Variants in ADGRE3 observed in about 807,000 individuals in gnomAD.
ADGRE3 encodes the protein EGF-like module receptor 3.
ADGRE3 carries 88 observed loss-of-function variants against 80.1 expected under a neutral mutation model. The observed-to-expected ratio is 1.10, with a 90% CI of 0.93 to 1.31. The LOEUF is 1.31. Ranked by LOEUF, ADGRE3 falls within the 40% of genes most tolerant of loss-of-function variation. The pLI is 0.00. For missense variants in ADGRE3, 715 were observed against 776.5 expected (o/e 0.92, Z 0.94); for synonymous variants, 281 against 294.8 (o/e 0.95, Z 0.48).
chr19:14,662,903 C>CAAAAA (rs1209543540), intron 3 of ADGRE3, among the ~76,000 whole-genome samples: 1 of 92,546 alleles, frequency 1.1e-5, no homozygotes, highest in Non-Finnish European at 2.0e-5. Context: ...TCCATCTCTA[C>CAAAAA]AAAAAAAAAA....
At chr19:14,620,698 C>T (rs997156059) in intron 15 of ADGRE3, among the ~76,000 whole-genome samples, 1 of 144,506 alleles carries the variant, frequency 6.9e-6, no homozygotes, top group Non-Finnish European at 1.5e-5. Context: ...TTAAGCAATG[C>T]TCCTGCCTCA....
intron 8 of ADGRE3, among the ~76,000 whole-genome samples, 193 bp downstream of exon 8, chr19:14,646,988 A>C (rs1268674552): frequency 1.3e-5 from 2 of 152,092 alleles, no homozygotes; most frequent in Non-Finnish European, 2.9e-5. Context: ...CTGATTTACA[A>C]GATGTAAATC....
chr19:14,671,031 A>G (rs1052664298), intron 1 of ADGRE3, among the ~76,000 whole-genome samples: 11 of 152,180 alleles, frequency 7.2e-5, no homozygotes, highest in African/African-American at 9.7e-5. Context: ...AGAGAGTGGT[A>G]TGTGACTTGG....
intron 11 of ADGRE3, among the ~76,000 whole-genome samples, chr19:14,636,098 C>CT (rs1319126852): frequency 2.3e-5 from 1 of 42,992 alleles, no homozygotes. Flanking sequence ...TTCTTTCTTT[C>CT]TTTCTTTCTT....
At chr19:14,650,642 TCTCTCTCTCTCTCTCTCTCTCTC>T (rs1971575592) in intron 7 of ADGRE3, among the ~76,000 whole-genome samples, 9 of 87,378 alleles carry the variant, frequency 1.0e-4, no homozygotes, top group Non-Finnish European at 1.3e-4. Flanking sequence ...TCTCTCTCTC[TCTCTCTCTCTCTCTCTCTCTCTC>T]TCTCTCTCTC....
chr19:14,632,135 G>T (rs981866030), intron 13 of ADGRE3, among the ~76,000 whole-genome samples: 9 of 152,150 alleles, frequency 5.9e-5, no homozygotes, highest in African/African-American at 2.2e-4. Context: ...ATTGGTATAT[G>T]TACAGAGAGT....
chr19:14,655,298 C>T (rs1207535052), intron 5 of ADGRE3, 133 bp from the exon 6 acceptor site: 2 of 715,936 alleles, frequency 2.8e-6, no homozygotes, highest in Non-Finnish European at 4.5e-6. Flanking sequence ...GGCACTTCAT[C>T]ATGTCCCAGC....
intron 1 of ADGRE3, among the ~76,000 whole-genome samples, chr19:14,672,833 T>G (rs1291870106): frequency 6.6e-6 from 1 of 152,106 alleles, no homozygotes; most frequent in Non-Finnish European, 1.5e-5. Context: ...CAGTCTGGTC[T>G]TGAACTCCTG....
the ADGRE3 span, among the ~76,000 whole-genome samples, chr19:14,613,327 T>G: frequency 6.6e-6 from 1 of 151,810 alleles, no homozygotes; most frequent in African/African-American, 2.4e-5. Flanking sequence ...GCTCAAGAAA[T>G]CCTCCGTCCT....
chr19:14,628,376 T>C (rs148255427), intron 14 of ADGRE3, among the ~76,000 whole-genome samples: 1 of 140,010 alleles, frequency 7.1e-6, no homozygotes, highest in African/African-American at 2.7e-5. Flanking sequence ...TGGGAGGCAG[T>C]TGCAGTGAGC....
chr19:14,667,501 T>C (rs549068405), intron 2 of ADGRE3, among the ~76,000 whole-genome samples: 3 of 152,290 alleles, frequency 2.0e-5, no homozygotes, highest in Non-Finnish European at 4.4e-5. Flanking sequence ...CAGGGAATAC[T>C]ATGCAGCCAT....
chr19:14,625,800 G>A (rs939115481), intron 14 of ADGRE3, among the ~76,000 whole-genome samples: 3 of 152,182 alleles, frequency 2.0e-5, no homozygotes, highest in African/African-American at 7.2e-5. Flanking sequence ...GATGAACCTT[G>A]AGGACATCAG....
At chr19:14,626,208 G>A (rs181660818) in intron 14 of ADGRE3, among the ~76,000 whole-genome samples, 67 of 152,150 alleles carry the variant, frequency 4.4e-4, no homozygotes, top group Admixed American at 2.4e-3. Context: ...AGGCCGAGGC[G>A]GGTGGATCAC....
chr19:14,647,985 G>A (rs1971461540), intron 7 of ADGRE3, among the ~76,000 whole-genome samples: 1 of 151,196 alleles, frequency 6.6e-6, no homozygotes, highest in Non-Finnish European at 1.5e-5. Flanking sequence ...GGGAGGCTGA[G>A]GCTGGAGAAT....
intron 11 of ADGRE3, among the ~76,000 whole-genome samples, chr19:14,637,210 C>G (rs1414444182): frequency 6.6e-6 from 1 of 152,156 alleles, no homozygotes; most frequent in Non-Finnish European, 1.5e-5. Flanking sequence ...ACAGAAGGAG[C>G]TGAGTCACCA....
At chr19:14,620,533 T>TG (rs1177044975) in intron 15 of ADGRE3, among the ~76,000 whole-genome samples, 2 of 13,298 alleles carry the variant, frequency 1.5e-4, no homozygotes, top group Admixed American at 1.1e-3. Flanking sequence ...TGAATATATA[T>TG]ATTTTATATA....
rs2075102212 is a variant in ADGRE3, at chr19:14,619,214, C to G, written c.*219G>C. On this transcript the variant is annotated 3_prime_UTR_variant, in exon 16 of 16. Transcript: ENST00000253673. ...TGGTCATGCTTTGGGTTTCCAGGGACAAGCATTGACTGAATACACCATAGT... is the reference window on the plus strand; with the variant it reads ...TGGTCATGCTTTGGGTTTCCAGGGAGAAGCATTGACTGAATACACCATAGT... 2 of 525,518 alleles carry G rather than the reference C, an allele frequency of 3.8e-6. No homozygotes were observed. Among genetic ancestry groups the G allele is most frequent in the Non-Finnish European group, 6.7e-6 (2 of 299,926 alleles). The allele number at this position is 525,518 out of a possible 1,614,324, so 32.6% of individuals were successfully genotyped here. A position where few individuals can be genotyped will look rare whatever the true frequency, so the allele number is the denominator to read the frequency against.
At chr19:14,661,437 G>A (rs907973186) in intron 4 of ADGRE3, among the ~76,000 whole-genome samples, 6 of 152,138 alleles carry the variant, frequency 3.9e-5, no homozygotes, top group Admixed American at 2.6e-4. Flanking sequence ...GCTACGCATC[G>A]TTTTCATAAA....
At chr19:14,640,919 C>G (rs1271885773) in intron 10 of ADGRE3, among the ~76,000 whole-genome samples, 2 of 152,170 alleles carry the variant, frequency 1.3e-5, no homozygotes, top group Non-Finnish European at 2.9e-5. Flanking sequence ...GAGGCCTCCC[C>G]TGCCATGTGG....
Sources: allele counts gnomAD v4.1 joint callset (sites outside exome capture counted in the v4.1 genomes callset), GRCh38; gene constraint gnomAD v4.1.1; transcripts MANE v1.5; gene names NCBI Gene and HGNC (gene_info 2026-07-23, HGNC 2026-07-21).